ELAPOR2: variants seen among roughly 807,000 people sequenced by gnomAD.
ELAPOR2 encodes endosome-lysosome associated apoptosis and autophagy regulator family member 2.
In ELAPOR2, 89 loss-of-function variants were observed where a neutral mutation model predicts 120.7. The ratio of observed to expected loss-of-function variants is 0.74; its 90% CI spans 0.62 to 0.88. The LOEUF (loss-of-function observed/expected upper bound fraction) is 0.88. Among genes scored for constraint, ELAPOR2 ranks in the 40% least tolerant of loss-of-function variants. ELAPOR2 has a pLI of 0.00. For missense variants in ELAPOR2, 1,134 were observed against 1,251.6 expected (o/e 0.91, Z 1.42); for synonymous variants, 444 against 444.9 (o/e 1.00, Z 0.03).
intron 1 of ELAPOR2, among the ~76,000 whole-genome samples, chr7:87,000,513 A>G (rs1368740216): frequency 6.6e-6 from 1 of 152,086 alleles, no homozygotes; most frequent in Non-Finnish European, 1.5e-5. Context: ...AATGTCACCA[A>G]TTTGCTGGGG....
At chr7:87,007,100 T>C (rs185772127) in intron 1 of ELAPOR2, among the ~76,000 whole-genome samples, 2 of 152,286 alleles carry the variant, frequency 1.3e-5, no homozygotes, top group Admixed American at 1.3e-4. Context: ...TGGAGTGTTT[T>C]GAGTGATAGA....
At chr7:86,927,203 C>T (rs1443304758) in intron 8 of ELAPOR2, among the ~76,000 whole-genome samples, 5 of 151,920 alleles carry the variant, frequency 3.3e-5, no homozygotes, top group Non-Finnish European at 2.9e-5. Flanking sequence ...TGTTTATCAC[C>T]CTTACTCTTC....
intron 1 of ELAPOR2, among the ~76,000 whole-genome samples, chr7:87,024,232 C>T (rs777659036): frequency 7.9e-5 from 12 of 152,058 alleles, no homozygotes; most frequent in African/African-American, 2.4e-4. Flanking sequence ...TTTTGAGATA[C>T]GTCCCATCAA....
intron 8 of ELAPOR2, among the ~76,000 whole-genome samples, chr7:86,927,173 T>C (rs1268564803): frequency 6.6e-6 from 1 of 151,934 alleles, no homozygotes; most frequent in Non-Finnish European, 1.5e-5. Context: ...ATGAAATAAC[T>C]CTTTAAAATG....
chr7:86,895,085 G>A (rs1041102040), intron 19 of ELAPOR2, among the ~76,000 whole-genome samples: 4 of 151,980 alleles, frequency 2.6e-5, no homozygotes, highest in Non-Finnish European at 5.9e-5. Context: ...AGATGGTGTC[G>A]GAAATAGGAC....
intron 1 of ELAPOR2, among the ~76,000 whole-genome samples, chr7:86,991,792 C>A (rs1792953499): frequency 6.6e-6 from 1 of 152,104 alleles, no homozygotes; most frequent in African/African-American, 2.4e-5. Flanking sequence ...AATGTTCCAG[C>A]CATTATATTC....
chr7:87,026,970 G>A (rs564063312), intron 1 of ELAPOR2, among the ~76,000 whole-genome samples: 3 of 152,100 alleles, frequency 2.0e-5, no homozygotes, highest in South Asian at 4.2e-4. Context: ...ATACAAATAT[G>A]AGCCAATTTC....
rs764550031 is a variant in ELAPOR2 at position 86,940,110 on chromosome 7, C to T, written c.747G>A (p.Met249Ile). Reference sequence around the variant, plus strand: ...AGAGTATGTTTGTGCCTGATTTCAGCATTACCTATAAAGAGAAACATAAAG... The same window carrying T: ...AGAGTATGTTTGTGCCTGATTTCAGTATTACCTATAAAGAGAAACATAAAG... ...DNGEWGSHSV[M>I]LKSGTNILYW... The change falls in exon 6 of 22, where the codon ATG becomes ATA. Residue 249 changes from methionine (M) to isoleucine (I), a missense_variant. By Grantham distance (10) the Met-to-Ile change is conservative. This residue lies in a region of ELAPOR2 where 280 missense variants were observed against 331.5 expected (regional missense o/e 0.84). Transcript: ENST00000450689. 1.2e-6 allele frequency: 2 copies of T among 1,607,466 alleles called. No homozygotes were observed. The highest frequency in any genetic ancestry group is 1.1e-5 in the South Asian group (1 of 90,732).
intron 18 of ELAPOR2, among the ~76,000 whole-genome samples, chr7:86,900,157 AATAAAAAAC>A (rs1445539996): frequency 6.6e-6 from 1 of 152,164 alleles, no homozygotes; most frequent in Non-Finnish European, 1.5e-5. Context: ...TGAGTAAGGA[AATAAAAAAC>A]AGTTTATCTT....
chr7:86,962,652 T>G (rs956110774), intron 2 of ELAPOR2, among the ~76,000 whole-genome samples: 6 of 152,218 alleles, frequency 3.9e-5, no homozygotes, highest in Admixed American at 2.6e-4. Flanking sequence ...GTAAATTACT[T>G]CACCACTTTA....
intron 21 of ELAPOR2, among the ~76,000 whole-genome samples, chr7:86,887,496 C>A (rs560987544): frequency 1.3e-5 from 2 of 152,032 alleles, no homozygotes; most frequent in Non-Finnish European, 1.5e-5. Flanking sequence ...TATGGTGTTG[C>A]TATTCCAGTC....
In ELAPOR2 at chr7:86,941,717, G is replaced by GC. The variant is rs1790802951; in HGVS notation, c.741+300dup. ...TTGAACAGCCTTCTTTCTCATGGATGCCCCTTTGAAAGGGAGGAAAATTAG... is the reference window on the plus strand; with the variant it reads ...TTGAACAGCCTTCTTTCTCATGGATGCCCCCTTTGAAAGGGAGGAAAATTAG... On this transcript the variant is annotated intron_variant, in intron 5 of 21. Coordinates refer to ENST00000450689, the MANE Select transcript of ELAPOR2 (RefSeq NM_001142749.3). Among the ~76,000 whole-genome samples the GC allele has an allele frequency of 2.0e-5, 3 of 151,946 alleles. No individual in the cohort carries two copies. In the South Asian group the frequency reaches 6.2e-4, roughly 32 times the overall value.
intron 1 of ELAPOR2, among the ~76,000 whole-genome samples, chr7:87,043,334 T>C (rs1462684569): frequency 6.6e-6 from 1 of 150,856 alleles, no homozygotes; most frequent in Non-Finnish European, 1.5e-5. Context: ...ACCAATATCC[T>C]TGATGAACAT....
Position 86,882,535 on chromosome 7 carries a change from A to G in ELAPOR2, c.3031-2005T>C, listed in dbSNP as rs571691770. ...TGCATTTGCATGGGATTGTGCTCCT[A>G]TTGCTGAAATGGTGGGATATACACA... On this transcript the variant is annotated intron_variant, in intron 21 of 21. Transcript: ENST00000450689. Among the ~76,000 whole-genome samples, 7 of 152,194 alleles carry G rather than the reference A, an allele frequency of 4.6e-5. No individual in the cohort carries two copies. In the East Asian group the frequency reaches 1.4e-3, roughly 29 times the overall value.
At chr7:86,936,620 TTCAC>T (rs1790570034) in intron 8 of ELAPOR2, among the ~76,000 whole-genome samples, 1 of 152,190 alleles carries the variant, frequency 6.6e-6, no homozygotes, top group Non-Finnish European at 1.5e-5. Context: ...ATGTTCAAAT[TTCAC>T]TCAGACACAA....
chr7:86,949,150 C>G (rs757082993), intron 2 of ELAPOR2, among the ~76,000 whole-genome samples: 1 of 152,182 alleles, frequency 6.6e-6, no homozygotes, highest in African/African-American at 2.4e-5. Flanking sequence ...AAATCAACAT[C>G]CCCAAATCAG....
At chr7:86,895,507 T>A (rs1413331608) in intron 19 of ELAPOR2, among the ~76,000 whole-genome samples, 1 of 152,054 alleles carries the variant, frequency 6.6e-6, no homozygotes, top group Non-Finnish European at 1.5e-5. Context: ...TTTGTAACTA[T>A]AGGGGTATGT....
chr7:86,966,252 A>G (rs886288401), intron 1 of ELAPOR2, among the ~76,000 whole-genome samples: 1 of 152,106 alleles, frequency 6.6e-6, no homozygotes, highest in African/African-American at 2.4e-5. Context: ...TTCTACCACT[A>G]TATTAAAGGG....
chr7:86,984,352 G>T (rs1284564673), intron 1 of ELAPOR2, among the ~76,000 whole-genome samples: 3 of 152,190 alleles, frequency 2.0e-5, no homozygotes, highest in Non-Finnish European at 4.4e-5. Flanking sequence ...GACATCTACA[G>T]AATTCTCTAC....
Sources: gnomAD v4.1 joint callset for allele counts (sites outside exome capture counted in the v4.1 genomes callset) on GRCh38, gnomAD v4.1.1 for gene constraint, gnomAD v4.1.1 regional missense constraint, MANE v1.5 for transcripts, NCBI Gene and HGNC (gene_info 2026-07-23, HGNC 2026-07-21) for gene names.